The following PEX7 variants were observed in gnomAD, a reference collection of about 807,000 sequenced individuals.
The protein encoded by PEX7 is peroxisomal biogenesis factor 7.
A neutral mutation model predicts 47.5 loss-of-function variants in PEX7; 34 were observed. That is an observed-to-expected ratio of 0.72 (90% CI 0.54 to 0.95). PEX7 has a LOEUF of 0.95. PEX7 is among the 40% of genes least tolerant of loss of function. PEX7 has a pLI of 0.00. For missense variants in PEX7, 394 were observed against 400.3 expected (o/e 0.98, Z 0.13); for synonymous variants, 141 against 148.8 (o/e 0.95, Z 0.38).
At chr6:136,877,220 T>C (rs1210509212) in intron 8 of PEX7, among the ~76,000 whole-genome samples, 1 of 152,056 alleles carries the variant, frequency 6.6e-6, no homozygotes, top group Non-Finnish European at 1.5e-5. Context: ...ATTAGCCCCT[T>C]GTGAGATGGA....
chr6:136,845,692 G>T lies in PEX7; in HGVS notation c.417G>T (p.Leu139Phe), dbSNP rs765168761. 6.3e-7 allele frequency: 1 copy of T among 1,582,992 alleles called. No homozygotes were observed. The highest frequency in any genetic ancestry group is 2.2e-5 in the East Asian group (1 of 44,738). Residue 139 changes from leucine (L) to phenylalanine (F), a missense_variant and splice_region_variant, in exon 4 of 10, where the codon TTG (leucine) becomes TTT (phenylalanine). Physicochemically the swap from Leu to Phe is conservative, Grantham distance 22 (BLOSUM62 0). Coordinates refer to ENST00000318471, the MANE Select transcript of PEX7 (RefSeq NM_000288.4). ...VSGSWDQTVK[L>F]WDPTVGKSLC... ...GCTCATGGGATCAAACTGTCAAATTGGTATGTTAGCATTATTGTATTCAAA... is the reference window on the plus strand; with the variant it reads ...GCTCATGGGATCAAACTGTCAAATTTGTATGTTAGCATTATTGTATTCAAA...
At chr6:136,883,315 C>G (rs953632808) in intron 8 of PEX7, among the ~76,000 whole-genome samples, 2 of 152,132 alleles carry the variant, frequency 1.3e-5, no homozygotes, top group African/African-American at 4.8e-5. Flanking sequence ...TAAGGTTCTT[C>G]CTAATGGCAC....
intron 1 of PEX7, 87 bp downstream of exon 1, chr6:136,822,882 G>A (rs1774106992): frequency 5.7e-6 from 7 of 1,223,798 alleles, no homozygotes; most frequent in Non-Finnish European, 5.1e-6. Context: ...TCGAGGGAAA[G>A]CCCCTCTGAG....
intron 8 of PEX7, among the ~76,000 whole-genome samples, chr6:136,881,317 T>C (rs1469433340): frequency 1.3e-5 from 2 of 152,080 alleles, no homozygotes; most frequent in Admixed American, 1.3e-4. Flanking sequence ...ATCCACCAGA[T>C]AGGTTAAGCA....
intron 9 of PEX7, among the ~76,000 whole-genome samples, chr6:136,898,600 A>C (rs1389989205): frequency 2.6e-5 from 4 of 152,188 alleles, no homozygotes; most frequent in Admixed American, 6.5e-5. Context: ...CAGCTGTCCC[A>C]TTAGGCAGTT....
intron 5 of PEX7, among the ~76,000 whole-genome samples, chr6:136,854,485 C>T (rs1774823730): frequency 6.6e-6 from 1 of 152,120 alleles, no homozygotes; most frequent in Non-Finnish European, 1.5e-5. Flanking sequence ...CTGCGCCTGG[C>T]CTGTGTTTTT....
chr6:136,848,856 C>T (rs1774682763), intron 5 of PEX7, among the ~76,000 whole-genome samples: 1 of 152,088 alleles, frequency 6.6e-6, no homozygotes, highest in African/African-American at 2.4e-5. Flanking sequence ...CAGTATGCTG[C>T]TGGCCTCATA....
intron 5 of PEX7, among the ~76,000 whole-genome samples, chr6:136,854,191 T>G (rs1774814696): frequency 6.6e-6 from 1 of 152,124 alleles, no homozygotes; most frequent in Admixed American, 6.6e-5. Flanking sequence ...GTTAATCATC[T>G]TTTATGTTTT....
At chr6:136,826,616 T>C (rs1334865923) in intron 3 of PEX7, 147 bp downstream of exon 3, 1 of 978,108 alleles carries the variant, frequency 1.0e-6, no homozygotes, top group African/African-American at 1.6e-5. Context: ...CACTTATTAT[T>C]TGATTATTCA....
rs1459019752 is a variant in PEX7, at chr6:136,822,752, G to A, written c.87G>A (p.Pro29=). The A allele has an allele frequency of 6.0e-6, 9 of 1,488,138 alleles. No homozygotes were observed. Among genetic ancestry groups the A allele is most frequent in the South Asian group, 2.5e-5 (2 of 79,574 alleles). 92.2% of individuals were successfully genotyped at this position (1,488,138 alleles called of 1,614,324 possible). ...GYAAEFSPYL[P]GRLACATAQH... ...CCGCCGAGTTCTCCCCGTACCTGCC[G>A]GGCCGCCTGGCCTGCGCCACCGCGC... is the stretch of plus-strand genomic sequence containing the variant. The change falls in exon 1 of 10, where the codon CCG becomes CCA. Residue 29 remains proline (P), a synonymous_variant. Coordinates refer to ENST00000318471, the MANE Select transcript of PEX7 (RefSeq NM_000288.4).
At chr6:136,894,564 T>G (rs971618583) in intron 8 of PEX7, among the ~76,000 whole-genome samples, 21 of 152,292 alleles carry the variant, frequency 1.4e-4, no homozygotes, top group Non-Finnish European at 3.1e-4. Flanking sequence ...CACTCCAGCC[T>G]GGGCGACAGA....
At chr6:136,870,753 C>T (rs1393940685) in intron 7 of PEX7, 1 of 408,346 alleles carries the variant, frequency 2.4e-6, no homozygotes, top group Non-Finnish European at 4.9e-6. Flanking sequence ...CCCTGTCACC[C>T]AGACACGATC....
At chr6:136,887,292 C>G (rs912884344) in intron 8 of PEX7, among the ~76,000 whole-genome samples, 4 of 152,010 alleles carry the variant, frequency 2.6e-5, no homozygotes, top group African/African-American at 9.7e-5. Flanking sequence ...AATTTAGTTA[C>G]ATTTAATCTC....
At chr6:136,854,515 T>C (rs531515850) in intron 5 of PEX7, among the ~76,000 whole-genome samples, 1 of 152,260 alleles carries the variant, frequency 6.6e-6, no homozygotes, top group East Asian at 1.9e-4. Flanking sequence ...TAAATGGTAA[T>C]GAGTTTTGTG....
At chr6:136,831,908 G>C (rs149665049) in intron 3 of PEX7, among the ~76,000 whole-genome samples, 2 of 152,264 alleles carry the variant, frequency 1.3e-5, no homozygotes, top group Non-Finnish European at 2.9e-5. Context: ...TTGAGTGCCT[G>C]TGGCTTTTCC....
chr6:136,850,110 G>A (rs1028047670), intron 5 of PEX7, among the ~76,000 whole-genome samples: 3 of 151,692 alleles, frequency 2.0e-5, no homozygotes, highest in African/African-American at 7.3e-5. Context: ...TTATGTAATG[G>A]CCTTCTTTGT....
At chr6:136,859,092 A>G (rs975590467) in intron 5 of PEX7, among the ~76,000 whole-genome samples, 5 of 152,220 alleles carry the variant, frequency 3.3e-5, no homozygotes, top group Non-Finnish European at 7.3e-5. Context: ...ATATTTTAAG[A>G]TAATATATGA....
At chr6:136,828,309 C>G (rs540730826) in intron 3 of PEX7, among the ~76,000 whole-genome samples, 1 of 152,310 alleles carries the variant, frequency 6.6e-6, no homozygotes, top group African/African-American at 2.4e-5. Context: ...TAACTACTCT[C>G]TGGAAAATAC....
At position 136,901,832 on chromosome 6, in the gene PEX7, C is replaced by T. The variant is rs576233427; in HGVS notation, c.903+3591C>T. On this transcript the variant is annotated intron_variant, in intron 9 of 9. Coordinates refer to ENST00000318471, the MANE Select transcript of PEX7 (RefSeq NM_000288.4). Reference sequence around the variant, plus strand: ...TGGAATGTTGCTCTTGTTGCCCAGGCTGGAGTGCAATGGCGTGATCTCGGC... The same window carrying T: ...TGGAATGTTGCTCTTGTTGCCCAGGTTGGAGTGCAATGGCGTGATCTCGGC... 1.2e-3 allele frequency among the ~76,000 whole-genome samples: 178 copies of T among 152,352 alleles called. 1 individual carries two copies. Among genetic ancestry groups the T allele is most frequent in the African/African-American group, 3.9e-3 (164 of 41,582 alleles).
Sources: allele counts gnomAD v4.1 joint callset (sites outside exome capture counted in the v4.1 genomes callset), GRCh38; gene constraint gnomAD v4.1.1; transcripts MANE v1.5; gene names NCBI Gene and HGNC (gene_info 2026-07-23, HGNC 2026-07-21).